Variants in TBC1D1 observed in about 807,000 individuals in gnomAD.
The protein encoded by TBC1D1 is TBC1 domain family member 1.
Under a neutral mutation model 125.6 loss-of-function variants are expected in TBC1D1, and 89 were observed. The observed-to-expected ratio is 0.71, with a 90% confidence interval of 0.60 to 0.85. The LOEUF (loss-of-function observed/expected upper bound fraction) is 0.85. Ranked by LOEUF, TBC1D1 falls within the 40% of genes least tolerant of loss-of-function variation. The pLI is 0.00. For synonymous variants in TBC1D1, 565 were observed against 564.1 expected (o/e 1.00, Z -0.02); for missense variants, 1,377 against 1,469.2 (o/e 0.94, Z 1.03).
At chr4:38,045,063 C>T (rs1396936236) in intron 9 of TBC1D1, among the ~76,000 whole-genome samples, 1 of 152,186 alleles carries the variant, frequency 6.6e-6, no homozygotes, top group Admixed American at 6.5e-5. Flanking sequence ...TACTATCTGG[C>T]CCTTTACAGA....
intron 6 of TBC1D1, among the ~76,000 whole-genome samples, chr4:38,026,511 C>G (rs1023934694): frequency 6.6e-6 from 1 of 152,262 alleles, no homozygotes; most frequent in Non-Finnish European, 1.5e-5. Flanking sequence ...GATGTAGGTG[C>G]CTCGCACACT....
chr4:38,057,299 A>T (rs1035518112), intron 12 of TBC1D1, among the ~76,000 whole-genome samples: 1 of 152,108 alleles, frequency 6.6e-6, no homozygotes, highest in African/African-American at 2.4e-5. Context: ...TCTGCCTGGA[A>T]TGCTCTTCGT....
chr4:38,106,099 G>A (rs1188884940), intron 15 of TBC1D1, among the ~76,000 whole-genome samples: 2 of 152,170 alleles, frequency 1.3e-5, no homozygotes, highest in African/African-American at 4.8e-5. Context: ...CTGCGGACTG[G>A]GCTGGGGCTG....
chr4:38,085,661 C>T (rs1757363888), intron 12 of TBC1D1, among the ~76,000 whole-genome samples: 2 of 152,206 alleles, frequency 1.3e-5, no homozygotes, highest in Non-Finnish European at 2.9e-5. Flanking sequence ...TGTCTCTCAG[C>T]AAGAATGCAA....
intron 3 of TBC1D1, among the ~76,000 whole-genome samples, chr4:38,015,635 G>C (rs954713160): frequency 6.6e-6 from 1 of 152,168 alleles, no homozygotes; most frequent in Non-Finnish European, 1.5e-5. Flanking sequence ...GATGAGATGT[G>C]GAGCTGTCCC....
intron 10 of TBC1D1, among the ~76,000 whole-genome samples, chr4:38,048,978 A>G (rs991452808): frequency 5.9e-4 from 90 of 152,338 alleles, no homozygotes; most frequent in African/African-American, 2.2e-3. Flanking sequence ...CATAAAAAGT[A>G]CTTTTGGTTG....
intron 2 of TBC1D1, among the ~76,000 whole-genome samples, chr4:37,968,958 T>G (rs1198388720): frequency 6.6e-6 from 1 of 152,182 alleles, no homozygotes; most frequent in Non-Finnish European, 1.5e-5. Flanking sequence ...CCAGAGACAC[T>G]TGGACGATTT....
intron 2 of TBC1D1, among the ~76,000 whole-genome samples, chr4:37,956,543 C>T (rs191923734): frequency 4.6e-5 from 7 of 152,222 alleles, no homozygotes; most frequent in Admixed American, 1.3e-4. Context: ...TGCTTTAACA[C>T]ATTTAAAATG....
intron 2 of TBC1D1, among the ~76,000 whole-genome samples, chr4:37,943,939 C>CCCATCTTTGTTTCCCCCA (rs1726109470): frequency 6.6e-6 from 1 of 152,164 alleles, no homozygotes; most frequent in Non-Finnish European, 1.5e-5. Flanking sequence ...AGCTTTTCTG[C>CCCATCTTTGTTTCCCCCA]TCTGTTTTTT....
intron 15 of TBC1D1, among the ~76,000 whole-genome samples, chr4:38,105,040 C>T (rs948198941): frequency 6.6e-6 from 1 of 152,180 alleles, no homozygotes; most frequent in African/African-American, 2.4e-5. Flanking sequence ...CAGGCGTGAG[C>T]CACCACACCC....
At chr4:38,107,256 G>A (rs1380088275) in intron 15 of TBC1D1, among the ~76,000 whole-genome samples, 1 of 152,128 alleles carries the variant, frequency 6.6e-6, no homozygotes, top group Non-Finnish European at 1.5e-5. Context: ...GGCTGACTCC[G>A]CCCAGGGAGG....
At chr4:37,955,182 A>G (rs188560427) in intron 2 of TBC1D1, among the ~76,000 whole-genome samples, 1 of 152,312 alleles carries the variant, frequency 6.6e-6, no homozygotes, top group African/African-American at 2.4e-5. Context: ...AATAAATTTA[A>G]GAAACTATAA....
At chr4:37,990,146 C>T (rs1425306859) in intron 2 of TBC1D1, among the ~76,000 whole-genome samples, 1 of 152,174 alleles carries the variant, frequency 6.6e-6, no homozygotes, top group Non-Finnish European at 1.5e-5. Flanking sequence ...GGGACATTTA[C>T]ACTGGTCTAT....
chr4:38,050,179 G>A (rs1453517675), intron 11 of TBC1D1, among the ~76,000 whole-genome samples: 1 of 152,194 alleles, frequency 6.6e-6, no homozygotes, highest in Non-Finnish European at 1.5e-5. Flanking sequence ...TGTTGACTGT[G>A]GAACTTTGCT....
chr4:38,133,954 G>A (rs376856826), intron 19 of TBC1D1, among the ~76,000 whole-genome samples: 4 of 152,160 alleles, frequency 2.6e-5, no homozygotes, highest in Admixed American at 6.5e-5. Context: ...ACCTAACTGC[G>A]GAGTGCAGCT....
chr4:38,092,734 TAAAA>T (rs772977772), intron 13 of TBC1D1, among the ~76,000 whole-genome samples: 4 of 131,162 alleles, frequency 3.0e-5, no homozygotes, highest in Middle Eastern at 3.8e-3. Context: ...GACTCCATCT[TAAAA>T]AAAAAAAAAA....
intron 6 of TBC1D1, among the ~76,000 whole-genome samples, chr4:38,022,239 C>T (rs978153146): frequency 1.3e-5 from 2 of 152,158 alleles, no homozygotes; most frequent in Admixed American, 6.5e-5. Flanking sequence ...TTCTAGAAAC[C>T]TGGCTTAGGG....
In TBC1D1 at chr4:38,051,883, TCTGATTG is replaced by T; in HGVS notation, c.1910+1989_1910+1995del. The T allele has an allele frequency of 3.2e-6, 5 of 1,546,952 alleles. No homozygotes were observed. The South Asian group carries it at 6.0e-5, about 18-fold the overall frequency. On this transcript the variant is annotated intron_variant, in intron 11 of 19. Transcript: ENST00000261439. ...CTCCTGCTAACCCCCCCGTGCTTTC[TCTGATTG>T]CTGTTTAGTGTGGATCCTTCACCTG...
At chr4:37,966,653 T>C (rs1197740452) in intron 2 of TBC1D1, among the ~76,000 whole-genome samples, 1 of 152,156 alleles carries the variant, frequency 6.6e-6, no homozygotes, top group Non-Finnish European at 1.5e-5. Context: ...TTATTATACT[T>C]TAAGTTCTAG....
Sources: gnomAD v4.1 joint callset for allele counts (sites outside exome capture counted in the v4.1 genomes callset) on GRCh38, gnomAD v4.1.1 for gene constraint, MANE v1.5 for transcripts, NCBI Gene and HGNC (gene_info 2026-07-23, HGNC 2026-07-21) for gene names.